The following MAP3K19 variants were observed in gnomAD, a reference collection of about 807,000 sequenced individuals.
The protein encoded by MAP3K19 is mitogen-activated protein kinase kinase kinase 19, also known as SPS1/STE20-related protein kinase YSK4.
In MAP3K19, 91 loss-of-function variants were observed where a neutral mutation model predicts 114.4. The observed-to-expected ratio is 0.80, with a 90% CI of 0.67 to 0.95. The LOEUF is 0.95. Among genes scored for constraint, MAP3K19 ranks in the 40% least tolerant of loss-of-function variants. The probability of loss-of-function intolerance (pLI) is 0.00; values close to 1 mark genes in which losing one functional copy is unlikely to be tolerated. For synonymous variants in MAP3K19, 518 were observed against 530.5 expected (o/e 0.98, Z 0.32); for missense variants, 1,471 against 1,573.2 (o/e 0.94, Z 1.10).
At chr2:134,981,560 A>G (rs1415937267) in intron 11 of MAP3K19, 42 bp from the exon 12 acceptor site, 2 of 1,463,166 alleles carry the variant, frequency 1.4e-6, no homozygotes. Flanking sequence ...AATTAATGAC[A>G]TAACTTATTC....
chr2:135,007,552 ATTGGG>A (rs1686919479), intron 5 of MAP3K19, among the ~76,000 whole-genome samples: 1 of 149,220 alleles, frequency 6.7e-6, no homozygotes, highest in Non-Finnish European at 1.5e-5. Flanking sequence ...TTGTTCTCTC[ATTGGG>A]TTGATTATTC....
chr2:134,970,595 C>CTT (rs745484871), intron 12 of MAP3K19, among the ~76,000 whole-genome samples: 196 of 109,546 alleles, frequency 1.8e-3, no homozygotes, highest in African/African-American at 6.1e-3. Context: ...GTTTGAATGC[C>CTT]TTTTTTTTTT....
chr2:134,975,257 T>C (rs955656235), intron 12 of MAP3K19, among the ~76,000 whole-genome samples: 1 of 152,146 alleles, frequency 6.6e-6, no homozygotes, highest in South Asian at 2.1e-4. Context: ...CTGGGCAGCA[T>C]GCATGGCATG....
chr2:135,020,982 C>T (rs1416287036), intron 5 of MAP3K19, among the ~76,000 whole-genome samples: 1 of 152,124 alleles, frequency 6.6e-6, no homozygotes, highest in Non-Finnish European at 1.5e-5. Context: ...CCACGGCTAG[C>T]CTAGACTTCC....
At chr2:134,979,577 T>A (rs1341957406) in intron 12 of MAP3K19, among the ~76,000 whole-genome samples, 1 of 151,940 alleles carries the variant, frequency 6.6e-6, no homozygotes, top group Admixed American at 6.6e-5. Flanking sequence ...CTACAATAGT[T>A]TTAACAGTTA....
Position 134,986,873 on chromosome 2 carries a change from C to A in MAP3K19, c.1999G>T (p.Gly667Trp), listed in dbSNP as rs746999344. 1.2e-6 allele frequency: 2 copies of A among 1,614,148 alleles called. No homozygotes were observed. The highest frequency in any genetic ancestry group is 2.2e-5 in the South Asian group (2 of 91,070). Residue 667 changes from glycine (G) to tryptophan (W), a missense_variant, in exon 10 of 13, where the codon GGG becomes TGG. Gly to Trp is a radical substitution (Grantham distance 184). Coordinates refer to ENST00000392915, the MANE Select transcript of MAP3K19 (RefSeq NM_025052.5). ...CGCACATGACAATAAACAGGGGTCC[C>A]AAACATTTCATAGATTCCAGGTCCA... The part of the protein sequence containing the change: ...ANGPGIYEMF[G>W]TPVYCHVRET...
chr2:135,046,236 A>G (rs56849711), intron 1 of MAP3K19, among the ~76,000 whole-genome samples: 17,620 of 152,086 alleles, frequency 0.12, 1,318 homozygotes, highest in South Asian at 0.32. Flanking sequence ...TTTTTTTCAT[A>G]AGAAAATATT....
intron 6 of MAP3K19, among the ~76,000 whole-genome samples, chr2:135,002,812 T>C (rs1305119509): frequency 6.6e-6 from 1 of 152,006 alleles, no homozygotes; most frequent in Non-Finnish European, 1.5e-5. Context: ...CGTGGCATGA[T>C]TTGAGGGTCA....
chr2:134,983,698 A>G lies in MAP3K19; in HGVS notation c.3200T>C (p.Leu1067Pro). ...TACTGTGCCGTAGGCTCCCTTTCCAAGAATCTCACCCTTGGTCCATAGGAT... is the reference window on the plus strand; with the variant it reads ...TACTGTGCCGTAGGCTCCCTTTCCAGGAATCTCACCCTTGGTCCATAGGAT... ...EPILWTKGEILGKGAYGTVYC... is the reference protein window; with the variant it reads ...EPILWTKGEIPGKGAYGTVYC... The change falls in exon 11 of 13, where the codon CTT (leucine) becomes CCT (proline). Residue 1067 changes from leucine (L) to proline (P), a missense_variant. Transcript: ENST00000392915. The G allele has an allele frequency of 1.9e-6, 3 of 1,575,166 alleles. No homozygotes were observed. Among genetic ancestry groups the G allele is most frequent in the Non-Finnish European group, 1.7e-6 (2 of 1,166,468 alleles).
chr2:135,022,428 T>G (rs1688045038), intron 4 of MAP3K19, among the ~76,000 whole-genome samples: 1 of 152,186 alleles, frequency 6.6e-6, no homozygotes, highest in Non-Finnish European at 1.5e-5. Context: ...CATTACAGAC[T>G]TCTACTGGTG....
At chr2:135,017,691 C>T (rs1687670023) in intron 5 of MAP3K19, among the ~76,000 whole-genome samples, 1 of 152,132 alleles carries the variant, frequency 6.6e-6, no homozygotes, top group Admixed American at 6.6e-5. Context: ...TGGGCTTTTC[C>T]ATGGTTCTTT....
chr2:135,013,944 G>C (rs951407697), intron 5 of MAP3K19, among the ~76,000 whole-genome samples: 6 of 152,096 alleles, frequency 3.9e-5, no homozygotes, highest in African/African-American at 1.2e-4. Context: ...GCACTTAGTA[G>C]CTTCCTTAAA....
At chr2:135,006,837 A>G (rs1419507786) in intron 5 of MAP3K19, among the ~76,000 whole-genome samples, 2 of 149,046 alleles carry the variant, frequency 1.3e-5, no homozygotes. Flanking sequence ...AGAGAGAGAA[A>G]GAGAGAGAGA....
intron 8 of MAP3K19, among the ~76,000 whole-genome samples, chr2:134,995,104 G>C (rs1055060676): frequency 6.6e-6 from 1 of 152,094 alleles, no homozygotes; most frequent in African/African-American, 2.4e-5. Context: ...TTGAGCCCAA[G>C]AGTTCAAGAC....
chr2:135,005,609 T>C, intron 5 of MAP3K19, 78 bp from the exon 6 acceptor site: 2 of 1,077,072 alleles, frequency 1.9e-6, no homozygotes, highest in Non-Finnish European at 1.4e-6. Context: ...ATGTTGATTT[T>C]TCTGGGCTAA....
At position 134,984,392 on chromosome 2, in the gene MAP3K19, C is replaced by CAT. The variant is rs553090139; in HGVS notation, c.3073-569_3073-568dup. Among the ~76,000 whole-genome samples the CAT allele has an allele frequency of 2.1e-3, 322 of 152,164 alleles. 5 individuals are homozygous for CAT. The highest frequency in any genetic ancestry group is 0.013 in the Admixed American group (195 of 15,276). On this transcript the variant is annotated intron_variant, in intron 10 of 12. Coordinates refer to ENST00000392915, the MANE Select transcript of MAP3K19 (RefSeq NM_025052.5). Reference sequence around the variant, plus strand: ...ATATATATCATGCACACATATATATCATATATATACATACACATATGTACT... The same window carrying CAT: ...ATATATATCATGCACACATATATATCATATATATATACATACACATATGTACT...
intron 5 of MAP3K19, among the ~76,000 whole-genome samples, chr2:135,017,379 G>A (rs1034040353): frequency 2.0e-5 from 3 of 152,178 alleles, no homozygotes; most frequent in Non-Finnish European, 2.9e-5. Context: ...GCTAGGTGGG[G>A]AAGGAGGATG....
chr2:135,003,657 C>T (rs533099288), intron 6 of MAP3K19, among the ~76,000 whole-genome samples: 10 of 152,238 alleles, frequency 6.6e-5, no homozygotes, highest in Admixed American at 2.6e-4. Context: ...CGGGTTCAAA[C>T]GATTCTTCTG....
intron 12 of MAP3K19, among the ~76,000 whole-genome samples, chr2:134,976,406 C>T (rs1054586694): frequency 2.0e-5 from 3 of 152,202 alleles, no homozygotes; most frequent in Admixed American, 1.3e-4. Context: ...CACCCTTTCC[C>T]CACACTAGGG....
Sources: gnomAD v4.1 joint callset for allele counts (sites outside exome capture counted in the v4.1 genomes callset) on GRCh38, gnomAD v4.1.1 for gene constraint, MANE v1.5 for transcripts, NCBI Gene and HGNC (gene_info 2026-07-23, HGNC 2026-07-21) for gene names.